FLNB: variants seen among roughly 807,000 people sequenced by gnomAD.
FLNB encodes filamin-B.
In FLNB, 111 loss-of-function variants were observed where a neutral mutation model predicts 250.6. The ratio of observed to expected loss-of-function variants is 0.44; its 90% CI spans 0.38 to 0.52. The LOEUF is 0.52. Among genes scored for constraint, FLNB ranks in the 20% least tolerant of loss-of-function variants. The pLI, the probability that FLNB is intolerant of heterozygous loss-of-function variation, is 0.00. For synonymous variants in FLNB, 1,302 were observed against 1,372.1 expected, an observed-to-expected ratio of 0.95 and a Z score of 1.13; for missense variants, 2,869 against 3,447.8, an observed-to-expected ratio of 0.83 and a Z score of 4.20.
At position 58,095,221 on chromosome 3, in the gene FLNB, T is replaced by G. The variant is rs77546328; in HGVS notation, c.906+267T>G. Reference sequence around the variant, plus strand: ...GCAAAGGTGCCTTGTCAGTTGAGGTTTATGTATGTATTTATTTATTTATTT... The same window carrying G: ...GCAAAGGTGCCTTGTCAGTTGAGGTGTATGTATGTATTTATTTATTTATTT... On this transcript the variant is annotated intron_variant, in intron 5 of 45. Coordinates refer to ENST00000295956, the MANE Select transcript of FLNB (RefSeq NM_001457.4). Among the ~76,000 whole-genome samples, 4,821 of 150,732 alleles carry G rather than the reference T, an allele frequency of 0.032. 114 individuals are homozygous for G. The highest frequency in any genetic ancestry group is 0.049 in the Non-Finnish European group (3,309 of 67,760).
intron 4 of FLNB, among the ~76,000 whole-genome samples, chr3:58,090,848 A>T (rs780079460): frequency 6.6e-6 from 1 of 151,982 alleles, no homozygotes; most frequent in African/African-American, 2.4e-5. Context: ...GAGGTGGGCG[A>T]TGGGCGGATC....
intron 1 of FLNB, among the ~76,000 whole-genome samples, chr3:58,010,276 A>T (rs570719583): frequency 2.9e-4 from 44 of 152,228 alleles, no homozygotes; most frequent in Admixed American, 2.1e-3. Flanking sequence ...AGAAAGGGAG[A>T]TGGGTGTGGC....
intron 19 of FLNB, among the ~76,000 whole-genome samples, chr3:58,120,850 G>A (rs1576753750): frequency 2.0e-5 from 3 of 152,190 alleles, no homozygotes; most frequent in East Asian, 1.9e-4. Flanking sequence ...GCAGGCTGCT[G>A]CATATGTCAC....
In FLNB at chr3:58,100,126, A is replaced by G. The variant is rs375484086; in HGVS notation, c.1345+1218A>G. ...GGTATGACCAACTTTTCTCCCCTTG[A>G]CAAAGAAAAAACAGGCAAAAAAAAT... On this transcript the variant is annotated intron_variant, in intron 8 of 45. Coordinates refer to ENST00000295956, the MANE Select transcript of FLNB (RefSeq NM_001457.4). Among the ~76,000 whole-genome samples the G allele has an allele frequency of 3.5e-4, 53 of 152,068 alleles. No homozygotes were observed. The East Asian group carries it at 7.0e-3, about 20-fold the overall frequency.
At chr3:58,052,790 C>T (rs556225531) in intron 1 of FLNB, among the ~76,000 whole-genome samples, 5 of 152,266 alleles carry the variant, frequency 3.3e-5, no homozygotes, top group South Asian at 2.1e-4. Context: ...GCTCAGAGGA[C>T]GTTAGGGAGC....
chr3:58,129,047 C>T (rs971529235), intron 24 of FLNB, among the ~76,000 whole-genome samples: 6 of 152,206 alleles, frequency 3.9e-5, no homozygotes, highest in East Asian at 1.9e-4. Context: ...GGGAAACAGT[C>T]GGCTACCTGC....
At chr3:58,020,089 G>A (rs2097111552) in intron 1 of FLNB, among the ~76,000 whole-genome samples, 1 of 149,708 alleles carries the variant, frequency 6.7e-6, no homozygotes, top group African/African-American at 2.5e-5. Context: ...GTGTGTGTGT[G>A]TGTGTGTTGA....
At chr3:58,129,585 C>T (rs2097303182) in intron 24 of FLNB, among the ~76,000 whole-genome samples, 1 of 152,206 alleles carries the variant, frequency 6.6e-6, no homozygotes, top group African/African-American at 2.4e-5. Flanking sequence ...ATTTATTTCA[C>T]GTAGCTAAAG....
Position 58,098,731 on chromosome 3 carries a change from G to A in FLNB, c.1168G>A (p.Gly390Ser), listed in dbSNP as rs1334841871. 6.2e-7 allele frequency: 1 copy of A among 1,614,010 alleles called. No homozygotes were observed. The highest frequency in any genetic ancestry group is 8.5e-7 in the Non-Finnish European group (1 of 1,180,038). Residue 390 changes from glycine (G) to serine (S), a missense_variant, in exon 8 of 46, where the codon GGT (glycine) becomes AGT (serine). By Grantham distance (56) the Gly-to-Ser change is moderately conservative (BLOSUM62 0). This residue lies in a region of FLNB where 1,348 missense variants were observed against 1,466.7 expected (regional missense o/e 0.92). Transcript: ENST00000295956. ...YTAGAGVGDI[G>S]VEVEDPQGKN... is the part of the protein sequence containing the mutation. Reference sequence around the variant, plus strand: ...TGTAGGAGCTGGTGTGGGTGACATTGGTGTGGAGGTGGAAGATCCCCAGGG... The same window carrying A: ...TGTAGGAGCTGGTGTGGGTGACATTAGTGTGGAGGTGGAAGATCCCCAGGG...
chr3:58,078,994 G>T (rs1315534665), intron 3 of FLNB, among the ~76,000 whole-genome samples, 180 bp downstream of exon 3: 2 of 152,162 alleles, frequency 1.3e-5, no homozygotes, highest in Non-Finnish European at 2.9e-5. Flanking sequence ...CATTGACTCA[G>T]GTGCTTATAG....
At chr3:58,108,644 G>T in intron 13 of FLNB, 73 bp downstream of exon 13, 1 of 884,044 alleles carries the variant, frequency 1.1e-6, no homozygotes. Context: ...GCAAGTTGCT[G>T]AGTCCATCTG....
intron 38 of FLNB, chr3:58,152,784 G>A (rs748639791): frequency 1.1e-5 from 14 of 1,329,408 alleles, no homozygotes; most frequent in African/African-American, 1.5e-5. Context: ...CTAGGTGATG[G>A]CAGTGCTCCG....
intron 40 of FLNB, 102 bp from the exon 41 acceptor site, chr3:58,155,858 G>C: frequency 2.6e-6 from 2 of 770,180 alleles, no homozygotes; most frequent in Non-Finnish European, 4.5e-6. Context: ...GGCCATTGAG[G>C]AGGGCTGGGT....
intron 1 of FLNB, among the ~76,000 whole-genome samples, chr3:58,044,574 G>A (rs978005349): frequency 6.6e-6 from 1 of 152,204 alleles, no homozygotes; most frequent in African/African-American, 2.4e-5. Context: ...GCAGCAAGCT[G>A]TGATCACACC....
chr3:58,131,020 T>G, intron 25 of FLNB, 112 bp downstream of exon 25: 2 of 999,200 alleles, frequency 2.0e-6, no homozygotes, highest in Non-Finnish European at 3.0e-6. Flanking sequence ...AAAATTAAAT[T>G]AAAAAAAATT....
chr3:58,090,193 G>A (rs2097224399), intron 4 of FLNB, among the ~76,000 whole-genome samples: 1 of 151,610 alleles, frequency 6.6e-6, no homozygotes, highest in African/African-American at 2.4e-5. Flanking sequence ...ACTTACACAG[G>A]GTCAGGATCA....
At chr3:58,109,516 T>A in intron 14 of FLNB, 60 bp from the exon 15 acceptor site, 1 of 1,613,272 alleles carries the variant, frequency 6.2e-7, no homozygotes, top group Non-Finnish European at 8.5e-7. Context: ...TGTTTTTTAA[T>A]AGTATTTTAC....
At chr3:58,080,581 G>A (rs1363941675) in intron 3 of FLNB, among the ~76,000 whole-genome samples, 3 of 142,964 alleles carry the variant, frequency 2.1e-5, no homozygotes, top group Non-Finnish European at 3.0e-5. Context: ...TGCAACCTCC[G>A]CCTCCTAGGT....
chr3:58,082,263 C>T (rs1268651995), intron 4 of FLNB, among the ~76,000 whole-genome samples: 2 of 152,152 alleles, frequency 1.3e-5, no homozygotes, highest in South Asian at 2.1e-4. Context: ...TGCGGAACAC[C>T]GTTTTGCTCA....
Sources: allele counts gnomAD v4.1 joint callset (sites outside exome capture counted in the v4.1 genomes callset), GRCh38; gene constraint gnomAD v4.1.1; regional missense constraint gnomAD v4.1.1; transcripts MANE v1.5; gene names NCBI Gene and HGNC (gene_info 2026-07-23, HGNC 2026-07-21).